Variants in OSBPL8 observed in about 807,000 individuals in gnomAD.
The protein encoded by OSBPL8 is oxysterol-binding protein-related protein 8.
Under a neutral mutation model 125.5 loss-of-function variants are expected in OSBPL8, and 59 were observed. The observed-to-expected ratio is 0.47, with a 90% CI of 0.38 to 0.58. The LOEUF is 0.58. Among genes scored for constraint, OSBPL8 ranks in the 20% least tolerant of loss-of-function variants. The probability of loss-of-function intolerance (pLI) is 0.00; values close to 1 mark genes in which losing one functional copy is unlikely to be tolerated. For synonymous variants in OSBPL8, 330 were observed against 338.9 expected, an observed-to-expected ratio of 0.97 and a Z score of 0.29; for missense variants, 758 against 1,047.8, an observed-to-expected ratio of 0.72 and a Z score of 3.82.
chr12:76,375,404 GAGTA>G (rs752653184), intron 16 of OSBPL8, 34 bp from the exon 17 acceptor site: 5 of 1,449,058 alleles, frequency 3.5e-6, no homozygotes, highest in Non-Finnish European at 4.8e-6. Flanking sequence ...AAATTGAAAA[GAGTA>G]TAGTATAGTA....
chr12:76,549,277 C>T (rs893550479), intron 1 of OSBPL8, among the ~76,000 whole-genome samples: 1 of 152,108 alleles, frequency 6.6e-6, no homozygotes, highest in Non-Finnish European at 1.5e-5. Context: ...AGTATCTAGA[C>T]AAACAGCCAA....
At chr12:76,454,302 AT>A (rs1873753631) in intron 3 of OSBPL8, among the ~76,000 whole-genome samples, 1 of 152,248 alleles carries the variant, frequency 6.6e-6, no homozygotes, top group Admixed American at 6.5e-5. Flanking sequence ...ATTTTAATAA[AT>A]TCTGGCATAT....
chr12:76,543,267 G>T (rs903120976), intron 1 of OSBPL8, among the ~76,000 whole-genome samples: 4 of 152,002 alleles, frequency 2.6e-5, no homozygotes, highest in Admixed American at 2.6e-4. Flanking sequence ...CCTCAAAGGG[G>T]AAAGTATTAT....
intron 4 of OSBPL8, among the ~76,000 whole-genome samples, chr12:76,414,429 G>C (rs377163789): frequency 1.3e-5 from 2 of 148,836 alleles, no homozygotes; most frequent in East Asian, 3.9e-4. Context: ...ATATATTTAA[G>C]GAACAGGGTT....
chr12:76,392,534 A>G lies in OSBPL8; in HGVS notation c.929+47T>C. ...AGGCCTGCCAACTAATTTTGTGAAC[A>G]GTATGGTCTCTGAAACATTACCAAC... On this transcript the variant is annotated intron_variant, in intron 10 of 23. Transcript: ENST00000261183. The G allele has an allele frequency of 2.0e-6, 3 of 1,531,350 alleles. No individual in the cohort carries two copies. The South Asian group carries it at 3.7e-5, about 19-fold the overall frequency. The allele number at this position is 1,531,350 out of a possible 1,614,324, so 94.9% of individuals were successfully genotyped here.
intron 1 of OSBPL8, among the ~76,000 whole-genome samples, chr12:76,516,295 G>A (rs969688798): frequency 6.6e-5 from 10 of 152,170 alleles, no homozygotes; most frequent in African/African-American, 2.4e-4. Flanking sequence ...GAAAAATCAA[G>A]ACCAAGAGAA....
At chr12:76,543,965 G>A (rs987375516) in intron 1 of OSBPL8, among the ~76,000 whole-genome samples, 5 of 152,026 alleles carry the variant, frequency 3.3e-5, no homozygotes, top group Non-Finnish European at 5.9e-5. Context: ...TTTAACATAC[G>A]AAGAATAATT....
chr12:76,473,749 A>T lies in OSBPL8; in HGVS notation c.42+13761T>A, dbSNP rs192006930. Among the ~76,000 whole-genome samples the T allele has an allele frequency of 4.7e-4, 71 of 152,314 alleles. No homozygotes were observed. The East Asian group carries it at 9.9e-3, about 21-fold the overall frequency. ...AACAACAAAGATCCCAAACAGTAAA[A>T]GTAGTATTCAAGGCCCTGTATGATC... On this transcript the variant is annotated intron_variant, in intron 2 of 23. Transcript: ENST00000261183.
chr12:76,530,395 A>G (rs961497554), intron 1 of OSBPL8, among the ~76,000 whole-genome samples: 2 of 151,758 alleles, frequency 1.3e-5, no homozygotes, highest in African/African-American at 4.8e-5. Flanking sequence ...TTTGCCTAAA[A>G]CACTCTTCCT....
intron 1 of OSBPL8, among the ~76,000 whole-genome samples, chr12:76,522,092 G>A (rs1229934039): frequency 6.6e-6 from 1 of 152,112 alleles, no homozygotes; most frequent in Admixed American, 6.6e-5. Flanking sequence ...GAAATCAATT[G>A]TAATACTGTG....
At chr12:76,492,924 A>G (rs1304600695) in intron 1 of OSBPL8, among the ~76,000 whole-genome samples, 1 of 150,806 alleles carries the variant, frequency 6.6e-6, no homozygotes, top group African/African-American at 2.5e-5. Context: ...ATATATATAG[A>G]TATATATAGA....
chr12:76,487,139 C>T (rs1251684659), intron 2 of OSBPL8, among the ~76,000 whole-genome samples: 3 of 148,822 alleles, frequency 2.0e-5, no homozygotes, highest in Non-Finnish European at 4.4e-5. Flanking sequence ...AAGCAATTCT[C>T]GTGCCTCAGC....
rs1426222153 is a variant in OSBPL8, at chr12:76,353,714, C to CT, written c.*2174dup. On this transcript the variant is annotated 3_prime_UTR_variant, in exon 24 of 24. Coordinates refer to ENST00000261183, the MANE Select transcript of OSBPL8 (RefSeq NM_020841.5). ...AGTTCATAGAAAGAGACTCATACAA[C>CT]TAAAAGCATAATAAGAGGACTATTA... 1 of 152,374 alleles carries CT rather than the reference C, an allele frequency of 6.6e-6. No homozygotes were observed. Among genetic ancestry groups the CT allele is most frequent in the African/African-American group, 2.4e-5 (1 of 41,428 alleles). The allele number at this position is 152,374 out of a possible 1,614,324, so 9.4% of individuals were successfully genotyped here.
intron 2 of OSBPL8, among the ~76,000 whole-genome samples, chr12:76,476,846 A>G (rs1333396826): frequency 6.6e-6 from 1 of 152,226 alleles, no homozygotes; most frequent in East Asian, 1.9e-4. Flanking sequence ...TGGAAGAAAA[A>G]GGGAAAAAAA....
chr12:76,468,931 T>G (rs1377765061), intron 2 of OSBPL8, among the ~76,000 whole-genome samples: 2 of 152,164 alleles, frequency 1.3e-5, no homozygotes, highest in African/African-American at 4.8e-5. Context: ...ACTTTTAATT[T>G]AATTAGGTTA....
At chr12:76,510,253 T>A (rs148301621) in intron 1 of OSBPL8, among the ~76,000 whole-genome samples, 2 of 152,270 alleles carry the variant, frequency 1.3e-5, no homozygotes, top group African/African-American at 4.8e-5. Flanking sequence ...ATACCAATCA[T>A]CCAACCCAGT....
chr12:76,372,681 T>C (rs540136910), intron 18 of OSBPL8, among the ~76,000 whole-genome samples: 4 of 152,198 alleles, frequency 2.6e-5, no homozygotes, highest in Non-Finnish European at 4.4e-5. Context: ...CATAGTATGG[T>C]ATATCCATGC....
chr12:76,490,817 G>A (rs924847990), intron 1 of OSBPL8, among the ~76,000 whole-genome samples: 2 of 152,216 alleles, frequency 1.3e-5, no homozygotes, highest in Non-Finnish European at 2.9e-5. Context: ...CCCACAGACA[G>A]CAGAGCTAAC....
At chr12:76,463,488 T>C (rs989051968) in intron 2 of OSBPL8, among the ~76,000 whole-genome samples, 7 of 152,134 alleles carry the variant, frequency 4.6e-5, no homozygotes, top group African/African-American at 1.2e-4. Context: ...TAAATCTGTA[T>C]AGGGAAAGGT....
Sources: gnomAD v4.1 joint callset for allele counts (sites outside exome capture counted in the v4.1 genomes callset) on GRCh38, gnomAD v4.1.1 for gene constraint, MANE v1.5 for transcripts, NCBI Gene and HGNC (gene_info 2026-07-23, HGNC 2026-07-21) for gene names.